Variants in PDE9A observed in about 807,000 individuals in gnomAD.
PDE9A encodes phosphodiesterase 9A, also known as high affinity cGMP-specific 3',5'-cyclic phosphodiesterase 9A.
Under a neutral mutation model 87.4 loss-of-function variants are expected in PDE9A, and 60 were observed. The observed-to-expected ratio is 0.69, with a 90% confidence interval of 0.56 to 0.85. The LOEUF is 0.85. Among genes scored for constraint, PDE9A ranks in the 40% least tolerant of loss-of-function variants. The probability of loss-of-function intolerance (pLI) is 0.00; values close to 1 mark genes in which losing one functional copy is unlikely to be tolerated. For missense variants in PDE9A, 665 were observed against 779.0 expected (o/e 0.85, Z 1.74); for synonymous variants, 272 against 279.4 (o/e 0.97, Z 0.27).
At position 42,694,046 on chromosome 21, in the gene PDE9A, A is replaced by G. The variant is rs907037965; in HGVS notation, c.219-4922A>G. Among the ~76,000 whole-genome samples, 3 of 151,982 alleles carry G rather than the reference A, an allele frequency of 2.0e-5. No individual in the cohort carries two copies. The highest frequency in any genetic ancestry group is 7.3e-5 in the African/African-American group (3 of 41,344). On this transcript the variant is annotated intron_variant, in intron 3 of 19. Coordinates refer to ENST00000291539, the MANE Select transcript of PDE9A (RefSeq NM_002606.3). The surrounding 1 kb of genome is among the most constrained non-coding windows in gnomAD (Gnocchi z 5.3). The stretch of plus-strand genomic sequence containing the variant: ...ATATAAGGTCTGGAAAATCTAAGAA[A>G]CCACTCTACCCCACCCTCTGGTGAC...
In PDE9A at chr21:42,739,310, C is replaced by A. The variant is rs2052843925; in HGVS notation, c.569-4466C>A. Among the ~76,000 whole-genome samples, 1 of 152,218 alleles carries A rather than the reference C, an allele frequency of 6.6e-6. No homozygotes were observed. The highest frequency in any genetic ancestry group is 1.5e-5 in the Non-Finnish European group (1 of 68,030). ...GAGGCCCCCCGCCCCACAGGACTGG[C>A]CCGCTCCTCCCTCTGGATTGAGGTG... On this transcript the variant is annotated intron_variant, in intron 7 of 19. Coordinates refer to ENST00000291539, the MANE Select transcript of PDE9A (RefSeq NM_002606.3). This position sits in a 1 kb window ranked among gnomAD's most constrained non-coding sequence, Gnocchi z 4.1.
At chr21:42,726,418 C>CT (rs2051039881) in intron 4 of PDE9A, among the ~76,000 whole-genome samples, 2 of 151,464 alleles carry the variant, frequency 1.3e-5, no homozygotes, top group South Asian at 4.2e-4. Flanking sequence ...CTCCTATCTT[C>CT]TCTCTGTGTT....
intron 13 of PDE9A, among the ~76,000 whole-genome samples, chr21:42,761,602 A>G (rs2055775644): frequency 6.6e-6 from 1 of 152,174 alleles, no homozygotes; most frequent in Non-Finnish European, 1.5e-5. Context: ...GTCAGCGCCT[A>G]GTGGGTTCCG....
In PDE9A at chr21:42,704,663, C is replaced by G. The variant is rs191966491; in HGVS notation, c.262+5652C>G. On this transcript the variant is annotated intron_variant, in intron 4 of 19. Coordinates refer to ENST00000291539, the MANE Select transcript of PDE9A (RefSeq NM_002606.3). The surrounding 1 kb of genome is among the most constrained non-coding windows in gnomAD (Gnocchi z 5.3). Reference sequence around the variant, plus strand: ...CCCTGAGTTCTGGCCTGTAAGCAACCCCAGGTGCCCTTGTGAATCAACAGA... The same window carrying G: ...CCCTGAGTTCTGGCCTGTAAGCAACGCCAGGTGCCCTTGTGAATCAACAGA... 8.2e-4 allele frequency among the ~76,000 whole-genome samples: 125 copies of G among 152,174 alleles called. No individual in the cohort carries two copies. The highest frequency in any genetic ancestry group is 2.7e-3 in the African/African-American group (114 of 41,506).
chr21:42,688,037 T>A, intron 3 of PDE9A, 43 bp downstream of exon 3: 1 of 1,475,626 alleles, frequency 6.8e-7, no homozygotes, highest in Non-Finnish European at 9.4e-7. Flanking sequence ...GCCTGGCACT[T>A]CTCTCCATGA....
In PDE9A at chr21:42,731,928, G is replaced by A. The variant is rs756510720; in HGVS notation, c.421G>A (p.Glu141Lys). 6.2e-7 allele frequency: 1 copy of A among 1,613,926 alleles called. No individual in the cohort carries two copies. Among genetic ancestry groups the A allele is most frequent in the Admixed American group, 1.7e-5 (1 of 60,018 alleles). ...RPREPQGCYQ[E>K]GQRIPPEREE... The stretch of plus-strand genomic sequence containing the variant: ...CAGAGAGCCCCAGGGCTGCTACCAG[G>A]AAGGCCAGCGCATCCCTCCAGGTAA... The change falls in exon 5 of 20, where the codon GAA (glutamate) becomes AAA (lysine). Residue 141 changes from glutamate to lysine, a missense_variant. Physicochemically the swap from Glu to Lys is moderately conservative, Grantham distance 56. Coordinates refer to ENST00000291539, the MANE Select transcript of PDE9A (RefSeq NM_002606.3).
chr21:42,709,677 TTG>T (rs1289690381), intron 4 of PDE9A, among the ~76,000 whole-genome samples: 1 of 152,024 alleles, frequency 6.6e-6, no homozygotes, highest in African/African-American at 2.4e-5. Context: ...GTTTGTTTGT[TTG>T]TGTGTGTGTG....
chr21:42,730,501 T>C (rs2051616214), intron 4 of PDE9A, among the ~76,000 whole-genome samples: 1 of 152,152 alleles, frequency 6.6e-6, no homozygotes. Flanking sequence ...GGGAAATGCA[T>C]AAGATAGAGG....
rs2060062457 is a variant in PDE9A, at chr21:42,694,959, C to T, written c.219-4009C>T. ...CCTTCTGCAAACCTCCAAGCACATT[C>T]CCCCTCTGCACACTGCCAATCTTCC... On this transcript the variant is annotated intron_variant, in intron 3 of 19. Coordinates refer to ENST00000291539, the MANE Select transcript of PDE9A (RefSeq NM_002606.3). The surrounding 1 kb of genome is among the most constrained non-coding windows in gnomAD (Gnocchi z 5.3). Among the ~76,000 whole-genome samples, 1 of 152,210 alleles carries T rather than the reference C, an allele frequency of 6.6e-6. No homozygotes were observed. The highest frequency in any genetic ancestry group is 1.5e-5 in the Non-Finnish European group (1 of 68,034).
At chr21:42,771,802 T>C (rs995113863) in intron 18 of PDE9A, among the ~76,000 whole-genome samples, 1 of 152,238 alleles carries the variant, frequency 6.6e-6, no homozygotes, top group Non-Finnish European at 1.5e-5. Context: ...CGCTCAGCAA[T>C]TGCTTAGGAG....
At chr21:42,729,567 C>G (rs144671876) in intron 4 of PDE9A, among the ~76,000 whole-genome samples, 314 of 152,104 alleles carry the variant, frequency 2.1e-3, no homozygotes, top group African/African-American at 7.4e-3. Flanking sequence ...TCTTCTTTTC[C>G]TGGGTGCTCA....
chr21:42,758,886 A>G, intron 10 of PDE9A, 113 bp from the exon 11 acceptor site: 1 of 740,132 alleles, frequency 1.4e-6, no homozygotes, highest in Non-Finnish European at 2.3e-6. Flanking sequence ...GGGAGAACCC[A>G]CCTCCTGCCA....
Position 42,759,158 on chromosome 21 carries a change from G to T in PDE9A, c.897+73G>T. The T allele has an allele frequency of 9.2e-7, 1 of 1,085,618 alleles. No homozygotes were observed. Among genetic ancestry groups the T allele is most frequent in the Non-Finnish European group, 1.4e-6 (1 of 708,012 alleles). The allele number at this position is 1,085,618 out of a possible 1,614,324, so 67.2% of individuals were successfully genotyped here. A position where few individuals can be genotyped will look rare whatever the true frequency, so the allele number is the denominator to read the frequency against. On this transcript the variant is annotated intron_variant, in intron 11 of 19. Transcript: ENST00000291539. This position sits in a 1 kb window ranked among gnomAD's most constrained non-coding sequence, Gnocchi z 7.2. ...CCAGTTCCACAGGAATGGAGGGAATGGATCACCAGGGCACCTTCCGGATGG... is the reference window on the plus strand; with the variant it reads ...CCAGTTCCACAGGAATGGAGGGAATTGATCACCAGGGCACCTTCCGGATGG...
chr21:42,769,589 C>G (rs1010973253), intron 17 of PDE9A, among the ~76,000 whole-genome samples: 2 of 150,036 alleles, frequency 1.3e-5, no homozygotes, highest in African/African-American at 4.9e-5. Flanking sequence ...CACACAGGTA[C>G]ACACAGGCAC....
intron 18 of PDE9A, 66 bp downstream of exon 18, chr21:42,770,864 G>T: frequency 8.0e-7 from 1 of 1,248,770 alleles, no homozygotes; most frequent in East Asian, 2.4e-5. Context: ...CCGCACTCCC[G>T]ACTCCAGAAG....
intron 10 of PDE9A, 132 bp from the exon 11 acceptor site, chr21:42,758,867 T>C: frequency 1.6e-6 from 1 of 643,654 alleles, no homozygotes; most frequent in Non-Finnish European, 2.8e-6. Flanking sequence ...CCAGGGACTT[T>C]CTGGGAGGGG....
chr21:42,667,467 A>C (rs917846215), intron 1 of PDE9A, among the ~76,000 whole-genome samples: 3 of 152,108 alleles, frequency 2.0e-5, no homozygotes, highest in Non-Finnish European at 2.9e-5. Context: ...GAATAGAAAC[A>C]CACCCCTCCC....
At chr21:42,673,919 T>C (rs186410402) in intron 1 of PDE9A, among the ~76,000 whole-genome samples, 4 of 152,384 alleles carry the variant, frequency 2.6e-5, no homozygotes, top group Non-Finnish European at 5.9e-5. Context: ...TCACAGACAC[T>C]GAGTGGACCT....
At chr21:42,731,228 G>A (rs1236883912) in intron 4 of PDE9A, among the ~76,000 whole-genome samples, 1 of 152,218 alleles carries the variant, frequency 6.6e-6, no homozygotes, top group Non-Finnish European at 1.5e-5. Context: ...AAAGTGCTGG[G>A]ATTACAGGCG....
Sources: gnomAD v4.1 joint callset for allele counts (sites outside exome capture counted in the v4.1 genomes callset) on GRCh38, gnomAD v4.1.1 for gene constraint, Gnocchi (gnomAD v3.1) non-coding constraint, MANE v1.5 for transcripts, NCBI Gene and HGNC (gene_info 2026-07-23, HGNC 2026-07-21) for gene names.